The following HSPG2 variants were observed in gnomAD, a reference collection of about 807,000 sequenced individuals.
The protein encoded by HSPG2 is basement membrane-specific heparan sulfate proteoglycan core protein.
Under a neutral mutation model 526.6 loss-of-function variants are expected in HSPG2, and 278 were observed. The ratio of observed to expected loss-of-function variants is 0.53; its 90% CI spans 0.48 to 0.58. HSPG2 has a LOEUF of 0.58. Among genes scored for constraint, HSPG2 ranks in the 20% least tolerant of loss-of-function variants. The pLI is 0.00. For synonymous variants in HSPG2, 2,465 were observed against 2,555.4 expected, an observed-to-expected ratio of 0.96 and a Z score of 1.07; for missense variants, 5,354 against 6,099.5, an observed-to-expected ratio of 0.88 and a Z score of 4.07.
intron 66 of HSPG2, 60 bp downstream of exon 66, chr1:21,843,237 G>C: frequency 6.2e-7 from 1 of 1,608,652 alleles, no homozygotes; most frequent in South Asian, 1.1e-5. Context: ...GAGAGGAGCA[G>C]AGCTGGGAAG....
intron 1 of HSPG2, among the ~76,000 whole-genome samples, chr1:21,906,467 T>C (rs1022453590): frequency 1.3e-5 from 2 of 152,070 alleles, no homozygotes; most frequent in Admixed American, 6.5e-5. Flanking sequence ...CCTCATCTGC[T>C]GTAAGGAAGA....
intron 1 of HSPG2, among the ~76,000 whole-genome samples, chr1:21,926,761 C>CAAAAAAAA (rs57835686): frequency 3.6e-5 from 2 of 55,844 alleles, no homozygotes; most frequent in African/African-American, 1.5e-4. Flanking sequence ...GACTCAGTCT[C>CAAAAAAAA]AAAAAAAAAA....
intron 69 of HSPG2, 44 bp from the exon 70 acceptor site, chr1:21,841,717 C>A (rs756839884): frequency 1.2e-6 from 2 of 1,611,786 alleles, no homozygotes; most frequent in South Asian, 2.2e-5. Flanking sequence ...TTGACCTGGT[C>A]CTTCTCGTGT....
At chr1:21,916,086 G>T (rs1169234410) in intron 1 of HSPG2, among the ~76,000 whole-genome samples, 8 of 148,140 alleles carry the variant, frequency 5.4e-5, no homozygotes, top group Non-Finnish European at 7.4e-5. Context: ...AAAAAAAAAG[G>T]CCTGGCACGG....
intron 9 of HSPG2, among the ~76,000 whole-genome samples, chr1:21,885,864 G>A (rs1641858410): frequency 6.6e-6 from 1 of 152,262 alleles, no homozygotes; most frequent in African/African-American, 2.4e-5. Context: ...GCCTGGCACA[G>A]TGTGGTCCCC....
At position 21,875,688 on chromosome 1, in the gene HSPG2, C is replaced by T; in HGVS notation, c.3243G>A (p.Leu1081=). The change falls in exon 25 of 97, where the codon CTG becomes CTA. Residue 1081 remains leucine (L), a synonymous_variant. Transcript: ENST00000374695. ...GGATCAGGAGGGTGTCGATGCCTGC[C>T]AGTGCCATCAGCAGGTGCTCCCGTG... is the stretch of plus-strand genomic sequence containing the variant. The part of the protein sequence containing the change: ...PATREHLLMA[L]AGIDTLLIRA... 6.2e-7 allele frequency: 1 copy of T among 1,604,498 alleles called. No individual in the cohort carries two copies. Among genetic ancestry groups the T allele is most frequent in the Non-Finnish European group, 8.5e-7 (1 of 1,179,968 alleles).
At chr1:21,907,182 C>A (rs996701095) in intron 1 of HSPG2, among the ~76,000 whole-genome samples, 10 of 152,132 alleles carry the variant, frequency 6.6e-5, no homozygotes, top group African/African-American at 2.2e-4. Flanking sequence ...CCGCTTGGAC[C>A]CTCCAGAAAG....
Position 21,836,961 on chromosome 1 carries a change from G to A in HSPG2, c.10196C>T (p.Thr3399Met). ...CTGAGGCGTGACCTGCACGGTGGGC[G>A]TGGACCCTGCTGGGATGGAGGTGGC... The part of the protein sequence containing the change: ...LPATSIPAGS[T>M]PTVQVTPQLE... Residue 3399 changes from threonine (T) to methionine (M), a missense_variant, in exon 75 of 97, where the codon ACG becomes ATG. Coordinates refer to ENST00000374695, the MANE Select transcript of HSPG2 (RefSeq NM_005529.7). 2.6e-6 allele frequency: 4 copies of A among 1,555,040 alleles called. No homozygotes were observed. Among genetic ancestry groups the A allele is most frequent in the South Asian group, 1.2e-5 (1 of 84,314 alleles).
chr1:21,923,473 A>T (rs1644101706), intron 1 of HSPG2, among the ~76,000 whole-genome samples: 1 of 152,138 alleles, frequency 6.6e-6, no homozygotes, highest in Non-Finnish European at 1.5e-5. Context: ...CACATCCATG[A>T]GCTCATCTGA....
intron 1 of HSPG2, among the ~76,000 whole-genome samples, chr1:21,915,654 C>T (rs962082697): frequency 1.3e-5 from 2 of 152,198 alleles, no homozygotes; most frequent in African/African-American, 4.8e-5. Flanking sequence ...ACATACACAG[C>T]GCTTCCGACA....
At chr1:21,856,011 C>T in intron 44 of HSPG2, 99 bp from the exon 45 acceptor site, 1 of 1,511,366 alleles carries the variant, frequency 6.6e-7, no homozygotes, top group Middle Eastern at 1.8e-4. Context: ...CAGGCTAGCC[C>T]TCCACGGCCA....
rs1160081388 is a variant in HSPG2 at position 21,880,143 on chromosome 1, A to G, written c.2307T>C (p.His769=). The change falls in exon 17 of 97, where the codon CAT becomes CAC. Residue 769 remains histidine (H), a synonymous_variant. Coordinates refer to ENST00000374695, the MANE Select transcript of HSPG2 (RefSeq NM_005529.7). The part of the protein sequence containing the change: ...GTCSGCNCNG[H]ASSCDPVYGH... ...CATACACAGGGTCACAGGAGCTGGCATGGCCATTGCAATTGCAACCAGAGC... is the reference window on the plus strand; with the variant it reads ...CATACACAGGGTCACAGGAGCTGGCGTGGCCATTGCAATTGCAACCAGAGC... 1.9e-6 allele frequency: 3 copies of G among 1,614,118 alleles called. No individual in the cohort carries two copies. The South Asian group carries it at 3.3e-5, about 18-fold the overall frequency.
rs772103808 is a variant in HSPG2 at position 21,896,262 on chromosome 1, T to C, written c.112A>G (p.Ile38Val). The stretch of plus-strand genomic sequence containing the variant: ...ATTTGGCTTGCTGTGACGGTCTCTA[T>C]GTCCTCAGGCAGAGACAAGCCATCG... ...AYDGLSLPEDIETVTASQMRW... is the reference protein window; with the variant it reads ...AYDGLSLPEDVETVTASQMRW... The change falls in exon 2 of 97, where the codon ATA becomes GTA. Residue 38 changes from isoleucine (I) to valine (V), a missense_variant. Ile to Val is a conservative substitution (Grantham distance 29). Transcript: ENST00000374695. 4.1e-5 allele frequency: 66 copies of C among 1,613,958 alleles called. No individual in the cohort carries two copies. Among genetic ancestry groups the C allele is most frequent in the Non-Finnish European group, 5.3e-5 (62 of 1,180,000 alleles).
intron 1 of HSPG2, among the ~76,000 whole-genome samples, chr1:21,906,733 G>GC (rs1557817979): frequency 1.3e-5 from 2 of 150,796 alleles, no homozygotes; most frequent in East Asian, 1.9e-4. Context: ...CTGGGGGGTG[G>GC]GGGGGGGTCA....
In HSPG2 at chr1:21,822,453, A is replaced by G; in HGVS notation, c.*863T>C. The G allele has an allele frequency of 1.9e-6, 1 of 515,700 alleles. No homozygotes were observed. Among genetic ancestry groups the G allele is most frequent in the East Asian group, 3.3e-5 (1 of 30,306 alleles). The allele number at this position is 515,700 out of a possible 1,614,324, so 31.9% of individuals were successfully genotyped here. On this transcript the variant is annotated 3_prime_UTR_variant, in exon 97 of 97. Transcript: ENST00000374695. Reference sequence around the variant, plus strand: ...TCAGTCGTGAGTCCTGCCTTCCCCCACCTAAGGCACTAGCTCTTCCTGAGC... The same window carrying G: ...TCAGTCGTGAGTCCTGCCTTCCCCCGCCTAAGGCACTAGCTCTTCCTGAGC...
Position 21,873,003 on chromosome 1 carries a change from C to T in HSPG2, c.3882G>A (p.Gln1294=), listed in dbSNP as rs760695011. The stretch of plus-strand genomic sequence containing the variant: ...GACAGGGATTCGGACTGACCTTGCA[C>T]TGGCACTGACCAGCAGCATCACACT... ...SSQCDAAGQC[Q]CKAQVEGLTC... is the part of the protein sequence containing the mutation. Residue 1294 remains glutamine (Q), a synonymous_variant, in exon 31 of 97, where the codon CAG becomes CAA. Coordinates refer to ENST00000374695, the MANE Select transcript of HSPG2 (RefSeq NM_005529.7). 1 of 1,610,896 alleles carries T rather than the reference C, an allele frequency of 6.2e-7. No individual in the cohort carries two copies. Among genetic ancestry groups the T allele is most frequent in the Non-Finnish European group, 8.5e-7 (1 of 1,179,800 alleles).
chr1:21,910,011 T>C (rs1329753705), intron 1 of HSPG2, among the ~76,000 whole-genome samples: 1 of 152,156 alleles, frequency 6.6e-6, no homozygotes, highest in Non-Finnish European at 1.5e-5. Flanking sequence ...AAGCAGGCCT[T>C]CCTGCCTGAG....
At chr1:21,825,479 G>C (rs1278516963) in intron 91 of HSPG2, among the ~76,000 whole-genome samples, 1 of 152,150 alleles carries the variant, frequency 6.6e-6, no homozygotes, top group Admixed American at 6.5e-5. Context: ...TCTTACAGAA[G>C]AGCAGGCAGG....
chr1:21,884,731 C>A (rs772674697), intron 12 of HSPG2, 36 bp downstream of exon 12: 3 of 1,611,380 alleles, frequency 1.9e-6, no homozygotes, highest in African/African-American at 1.3e-5. Context: ...CCCGGCTCTG[C>A]CCCCACACCC....
Sources: gnomAD v4.1 joint callset for allele counts (sites outside exome capture counted in the v4.1 genomes callset) on GRCh38, gnomAD v4.1.1 for gene constraint, MANE v1.5 for transcripts, NCBI Gene and HGNC (gene_info 2026-07-23, HGNC 2026-07-21) for gene names.